KPNA6: variants seen among roughly 807,000 people sequenced by gnomAD.
KPNA6 encodes the protein importin subunit alpha-7.
KPNA6 carries 9 observed loss-of-function variants against 72.0 expected under a neutral mutation model. The ratio of observed to expected loss-of-function variants is 0.13; its 90% confidence interval spans 0.08 to 0.22. The LOEUF (loss-of-function observed/expected upper bound fraction) is 0.22, where lower values mean the gene tolerates loss of function less well. Ranked by LOEUF, KPNA6 falls within the 10% of genes least tolerant of loss-of-function variation. The pLI, the probability that KPNA6 is intolerant of heterozygous loss-of-function variation, is 1.00. For synonymous variants in KPNA6, 219 were observed against 242.1 expected (o/e 0.90, Z 0.89); for missense variants, 374 against 655.7 (o/e 0.57, Z 4.69).
intron 1 of KPNA6, among the ~76,000 whole-genome samples, chr1:32,132,806 GA>G (rs1443166937): frequency 6.6e-6 from 1 of 152,180 alleles, no homozygotes; most frequent in Non-Finnish European, 1.5e-5. Context: ...CGGAGGCTGG[GA>G]CAGGAGAATG....
intron 1 of KPNA6, among the ~76,000 whole-genome samples, chr1:32,131,644 G>GTATA: frequency 6.7e-6 from 1 of 150,332 alleles, no homozygotes; most frequent in East Asian, 1.9e-4. Context: ...ATATGTATGT[G>GTATA]TATATATATA....
At chr1:32,147,055 C>T (rs1261275446) in intron 1 of KPNA6, among the ~76,000 whole-genome samples, 1 of 151,936 alleles carries the variant, frequency 6.6e-6, no homozygotes, top group Non-Finnish European at 1.5e-5. Context: ...GATGGGGTTT[C>T]ACCACATTGC....
intron 1 of KPNA6, chr1:32,142,937 C>T: frequency 7.8e-7 from 1 of 1,288,768 alleles, no homozygotes; most frequent in Non-Finnish European, 1.0e-6. Flanking sequence ...CAGCATGGCT[C>T]TCCTCCCAGC....
intron 2 of KPNA6, 62 bp from the exon 3 acceptor site, chr1:32,156,791 G>A: frequency 7.9e-7 from 1 of 1,264,716 alleles, no homozygotes; most frequent in Non-Finnish European, 1.2e-6. Flanking sequence ...ATTTAACATT[G>A]GATTGTTCTT....
At chr1:32,138,313 G>C (rs1415060223) in intron 1 of KPNA6, among the ~76,000 whole-genome samples, 2 of 151,900 alleles carry the variant, frequency 1.3e-5, no homozygotes, top group Non-Finnish European at 2.9e-5. Context: ...GGGAGGCCAA[G>C]GCGGGTGGAT....
At chr1:32,168,445 C>G (rs1642377723) in intron 12 of KPNA6, among the ~76,000 whole-genome samples, 1 of 152,218 alleles carries the variant, frequency 6.6e-6, no homozygotes, top group South Asian at 2.1e-4. Flanking sequence ...CCACCTTGGC[C>G]TCCCAGAGTG....
chr1:32,164,573 TG>T (rs765311940), intron 10 of KPNA6, among the ~76,000 whole-genome samples: 12 of 151,162 alleles, frequency 7.9e-5, no homozygotes, highest in South Asian at 2.1e-4. Context: ...GTTTTTTTTT[TG>T]ATAATACCCA....
chr1:32,108,447 CTG>C (rs1641184898), intron 1 of KPNA6, among the ~76,000 whole-genome samples: 1 of 152,258 alleles, frequency 6.6e-6, no homozygotes, highest in Admixed American at 6.5e-5. Flanking sequence ...TGCGCCCAGA[CTG>C]GGGCTGGGGG....
At chr1:32,111,446 C>A (rs1487522404) in intron 1 of KPNA6, among the ~76,000 whole-genome samples, 1 of 152,222 alleles carries the variant, frequency 6.6e-6, no homozygotes, top group Non-Finnish European at 1.5e-5. Context: ...GTAACTTCCT[C>A]TTTCCAGCTC....
At chr1:32,157,550 C>T (rs1642166114) in intron 4 of KPNA6, 105 bp downstream of exon 4, 1 of 764,842 alleles carries the variant, frequency 1.3e-6, no homozygotes, top group South Asian at 1.6e-5. Context: ...TGCTCTAGCC[C>T]TACTGACCTT....
At position 32,171,122 on chromosome 1, in the gene KPNA6, G is replaced by A; in HGVS notation, c.*228G>A. 1.8e-6 allele frequency: 1 copy of A among 543,058 alleles called. No individual in the cohort carries two copies. The highest frequency in any genetic ancestry group is 3.3e-6 in the Non-Finnish European group (1 of 303,606). 33.6% of individuals were successfully genotyped at this position (543,058 alleles called of 1,614,324 possible). A position where few individuals can be genotyped will look rare whatever the true frequency, so the allele number is the denominator to read the frequency against. ...GGGTTTTGTGACAAGAAGGGGACGT[G>A]TTGGGTTTTTCTTCCTTACACTATA... On this transcript the variant is annotated 3_prime_UTR_variant, in exon 14 of 14. Transcript: ENST00000373625.
intron 13 of KPNA6, 28 bp downstream of exon 13, chr1:32,170,088 A>T (rs775551349): frequency 5.0e-6 from 8 of 1,599,256 alleles, no homozygotes; most frequent in Non-Finnish European, 6.8e-6. Context: ...AATCTAGGTC[A>T]GAACCTGAGA....
Position 32,150,127 on chromosome 1 carries a change from CTTTTTTTTT to C in KPNA6, c.5-4446_5-4438del, listed in dbSNP as rs35179721. Among the ~76,000 whole-genome samples, 13 of 87,060 alleles carry C rather than the reference CTTTTTTTTT, an allele frequency of 1.5e-4. No homozygotes were observed. In the Admixed American group the frequency reaches 1.6e-3, roughly 11 times the overall value. 57.1% of individuals were successfully genotyped at this position (87,060 alleles called of 152,430 possible). Reference sequence around the variant, plus strand: ...GGATTAGATCTGGAAAATTTTTAGTCTTTTTTTTTTTTTTTTTTTTTTTGAGACAGGGTC... The same window carrying C: ...GGATTAGATCTGGAAAATTTTTAGTCTTTTTTTTTTTTTTGAGACAGGGTC... On this transcript the variant is annotated intron_variant, in intron 1 of 13. Transcript: ENST00000373625.
At chr1:32,159,817 A>T (rs914078817) in intron 6 of KPNA6, among the ~76,000 whole-genome samples, 3 of 152,188 alleles carry the variant, frequency 2.0e-5, no homozygotes, top group African/African-American at 7.2e-5. Flanking sequence ...TTGATGTGGA[A>T]AAAACTCTAT....
At chr1:32,165,105 C>T (rs546102035) in intron 10 of KPNA6, among the ~76,000 whole-genome samples, 12 of 152,092 alleles carry the variant, frequency 7.9e-5, no homozygotes, top group African/African-American at 2.9e-4. Context: ...CAGGGTTTTA[C>T]CATGTTGCCC....
At chr1:32,124,812 C>T (rs1570002978) in intron 1 of KPNA6, among the ~76,000 whole-genome samples, 2 of 144,992 alleles carry the variant, frequency 1.4e-5, no homozygotes, top group Non-Finnish European at 3.0e-5. Context: ...CGGCCGGCCT[C>T]GTCTTTTTTT....
chr1:32,120,698 C>T (rs368082201), intron 1 of KPNA6, among the ~76,000 whole-genome samples: 9 of 150,970 alleles, frequency 6.0e-5, no homozygotes, highest in African/African-American at 2.2e-4. Flanking sequence ...TCCCAAGTAG[C>T]TGGGATTACA....
chr1:32,130,220 ATAT>A (rs1641612542), intron 1 of KPNA6, among the ~76,000 whole-genome samples: 1 of 138,476 alleles, frequency 7.2e-6, no homozygotes, highest in African/African-American at 2.7e-5. Context: ...TAGTAGATAA[ATAT>A]TTTTTTTTTT....
chr1:32,149,424 C>G (rs569874590), intron 1 of KPNA6, among the ~76,000 whole-genome samples: 2 of 152,144 alleles, frequency 1.3e-5, no homozygotes, highest in South Asian at 4.1e-4. Context: ...CAGGGTCTCC[C>G]TATGTTGCCC....
Sources: gnomAD v4.1 joint callset for allele counts (sites outside exome capture counted in the v4.1 genomes callset) on GRCh38, gnomAD v4.1.1 for gene constraint, MANE v1.5 for transcripts, NCBI Gene and HGNC (gene_info 2026-07-23, HGNC 2026-07-21) for gene names.